RBFOX1: variants seen among roughly 807,000 people sequenced by gnomAD.
RBFOX1 encodes the protein RNA binding protein fox-1 homolog 1.
RBFOX1 carries 8 observed loss-of-function variants against 57.7 expected under a neutral mutation model. The observed-to-expected ratio is 0.14, with a 90% CI of 0.08 to 0.25. The LOEUF (loss-of-function observed/expected upper bound fraction) is 0.25, where lower values mean the gene tolerates loss of function less well. Ranked by LOEUF, RBFOX1 falls within the 10% of genes least tolerant of loss-of-function variation. The pLI, the probability that RBFOX1 is intolerant of heterozygous loss-of-function variation, is 1.00. For missense variants in RBFOX1, 611 were observed against 548.5 expected (o/e 1.11, Z -1.14); for synonymous variants, 326 against 222.4 (o/e 1.47, Z -4.15).
At chr16:7,456,340 A>C (rs550450891) in intron 4 of RBFOX1, among the ~76,000 whole-genome samples, 4 of 152,278 alleles carry the variant, frequency 2.6e-5, no homozygotes, top group Admixed American at 2.0e-4. Flanking sequence ...TTGTGAAGTG[A>C]ATCACCTTTT....
At chr16:6,209,953 C>G (rs960477229) in intron 1 of RBFOX1, among the ~76,000 whole-genome samples, 2 of 152,034 alleles carry the variant, frequency 1.3e-5, no homozygotes, top group Non-Finnish European at 2.9e-5. Flanking sequence ...TGTCTCTAGA[C>G]TTTTTGTTTG....
chr16:6,102,956 G>C (rs559746230), intron 1 of RBFOX1, among the ~76,000 whole-genome samples: 29 of 152,212 alleles, frequency 1.9e-4, no homozygotes, highest in African/African-American at 6.0e-4. Context: ...AGAGTGTTCA[G>C]GGCCATTCTA....
chr16:7,073,035 C>G (rs1003358028), intron 4 of RBFOX1, among the ~76,000 whole-genome samples: 5 of 152,116 alleles, frequency 3.3e-5, no homozygotes, highest in African/African-American at 1.2e-4. Context: ...GGAGGGTTAA[C>G]TGTGACACAG....
At chr16:6,433,846 C>CTTTTTTTTTT (rs201617630) in intron 2 of RBFOX1, among the ~76,000 whole-genome samples, 1 of 127,178 alleles carries the variant, frequency 7.9e-6, no homozygotes. Flanking sequence ...TTTCATTTTT[C>CTTTTTTTTTT]TTTTTTTTTT....
chr16:5,694,893 T>C (rs753799415), intron 3 of RBFOX1, among the ~76,000 whole-genome samples: 10 of 151,944 alleles, frequency 6.6e-5, no homozygotes, highest in Non-Finnish European at 1.0e-4. Context: ...GCAGGAATTC[T>C]GCTTTGAACA....
At chr16:6,457,297 G>C (rs2094797080) in intron 2 of RBFOX1, among the ~76,000 whole-genome samples, 1 of 152,132 alleles carries the variant, frequency 6.6e-6, no homozygotes, top group South Asian at 2.1e-4. Flanking sequence ...CTGTGATGGA[G>C]TGGCCATAGG....
intron 4 of RBFOX1, among the ~76,000 whole-genome samples, chr16:7,194,649 C>A (rs1192579874): frequency 6.6e-6 from 1 of 152,090 alleles, no homozygotes; most frequent in Non-Finnish European, 1.5e-5. Context: ...GAATTTAGCC[C>A]AGGCACAGTG....
chr16:7,449,598 T>G (rs926762298), intron 4 of RBFOX1, among the ~76,000 whole-genome samples: 2 of 152,012 alleles, frequency 1.3e-5, no homozygotes, highest in Admixed American at 6.6e-5. Flanking sequence ...AGACTTGAAA[T>G]CTCTACTCAA....
At chr16:6,738,052 T>C (rs1352059972) in intron 3 of RBFOX1, among the ~76,000 whole-genome samples, 5 of 149,642 alleles carry the variant, frequency 3.3e-5, no homozygotes, top group African/African-American at 1.2e-4. Flanking sequence ...ACAAAGGACT[T>C]GTCTCTTTTT....
chr16:6,503,987 C>G (rs2096016252), intron 2 of RBFOX1, among the ~76,000 whole-genome samples: 1 of 152,192 alleles, frequency 6.6e-6, no homozygotes. Context: ...TAGTCTCTCC[C>G]TTTTTAAGAG....
At chr16:6,194,928 T>A (rs138280991) in intron 1 of RBFOX1, among the ~76,000 whole-genome samples, 1 of 152,178 alleles carries the variant, frequency 6.6e-6, no homozygotes, top group Non-Finnish European at 1.5e-5. Flanking sequence ...ATATGAATAG[T>A]TTTCAAGATT....
At chr16:7,705,451 G>A (rs1041676144) in intron 14 of RBFOX1, among the ~76,000 whole-genome samples, 1 of 152,168 alleles carries the variant, frequency 6.6e-6, no homozygotes, top group Admixed American at 6.5e-5. Flanking sequence ...CTTGCAGTGA[G>A]CCAAGATTGT....
intron 4 of RBFOX1, among the ~76,000 whole-genome samples, chr16:5,920,820 A>C (rs947050721): frequency 6.6e-6 from 1 of 152,192 alleles, no homozygotes; most frequent in African/African-American, 2.4e-5. Flanking sequence ...ATTTTTAAAA[A>C]TCCTTCGAAA....
intron 3 of RBFOX1, among the ~76,000 whole-genome samples, chr16:5,683,492 T>G (rs1459608987): frequency 2.6e-5 from 4 of 152,032 alleles, no homozygotes; most frequent in Non-Finnish European, 4.4e-5. Flanking sequence ...ACCCTGAATC[T>G]GGTGGGTACA....
intron 5 of RBFOX1, among the ~76,000 whole-genome samples, chr16:7,547,587 C>G (rs886634461): frequency 1.3e-5 from 2 of 152,088 alleles, no homozygotes; most frequent in African/African-American, 4.8e-5. Flanking sequence ...GTCAGTTGAC[C>G]ACACTGCTGG....
chr16:7,009,940 T>TA (rs1219165064), intron 3 of RBFOX1, among the ~76,000 whole-genome samples: 3 of 152,150 alleles, frequency 2.0e-5, no homozygotes, highest in Admixed American at 2.0e-4. Flanking sequence ...TGCCATTGGC[T>TA]ACAAGGAAAA....
Position 7,567,349 on chromosome 16 carries a change from A to C in RBFOX1, c.271-12428A>C, listed in dbSNP as rs1230720686. Among the ~76,000 whole-genome samples, 18 of 115,942 alleles carry C rather than the reference A, an allele frequency of 1.6e-4. 1 individual carries two copies. The highest frequency in any genetic ancestry group is 6.3e-4 in the Admixed American group (7 of 11,056). The allele number at this position is 115,942 out of a possible 152,430, so 76.1% of individuals were successfully genotyped here. On this transcript the variant is annotated intron_variant, in intron 5 of 15. Coordinates refer to ENST00000550418, the MANE Select transcript of RBFOX1 (RefSeq NM_018723.4). ...TCCCTATATATGGCCCTATATATAT[A>C]TCCCTATATATGGCCCTATATATAT...
intron 4 of RBFOX1, among the ~76,000 whole-genome samples, chr16:7,511,338 A>G (rs1392725620): frequency 1.3e-5 from 2 of 152,156 alleles, no homozygotes; most frequent in African/African-American, 2.4e-5. Context: ...AACGAATGGG[A>G]GAAGGGCAAT....
intron 4 of RBFOX1, among the ~76,000 whole-genome samples, chr16:7,449,459 T>C (rs1056588790): frequency 2.3e-4 from 35 of 152,150 alleles, no homozygotes; most frequent in African/African-American, 7.7e-4. Flanking sequence ...TGCTTAGTTA[T>C]CATCCAGGTT....
Sources: allele counts gnomAD v4.1 joint callset (sites outside exome capture counted in the v4.1 genomes callset), GRCh38; gene constraint gnomAD v4.1.1; transcripts MANE v1.5; gene names NCBI Gene and HGNC (gene_info 2026-07-23, HGNC 2026-07-21).